Variants in PIGB observed in about 807,000 individuals in gnomAD.
The protein encoded by PIGB is GPI alpha-1,2-mannosyltransferase 3.
A neutral mutation model predicts 68.4 loss-of-function variants in PIGB; 58 were observed. The ratio of observed to expected loss-of-function variants is 0.85; its 90% CI spans 0.69 to 1.06. The LOEUF is 1.06. Ranked by LOEUF, PIGB falls within the 50% of genes least tolerant of loss-of-function variation. The pLI, the probability that PIGB is intolerant of heterozygous loss-of-function variation, is 0.00. For synonymous variants in PIGB, 219 were observed against 220.5 expected, an observed-to-expected ratio of 0.99 and a Z score of 0.06; for missense variants, 634 against 655.8, an observed-to-expected ratio of 0.97 and a Z score of 0.36.
intron 4 of PIGB, 109 bp downstream of exon 4, chr15:55,327,744 A>G (rs778059547): frequency 6.6e-5 from 46 of 701,272 alleles, no homozygotes; most frequent in Non-Finnish European, 9.5e-5. Context: ...AATTCATACA[A>G]CTTTATAGAG....
chr15:55,326,594 C>T (rs1262592567), intron 3 of PIGB, among the ~76,000 whole-genome samples: 4 of 152,154 alleles, frequency 2.6e-5, no homozygotes, highest in Non-Finnish European at 5.9e-5. Flanking sequence ...TGGCCGAGCA[C>T]GGTGGCTTAC....
At chr15:55,353,330 TC>T (rs2055968120) in intron 10 of PIGB, among the ~76,000 whole-genome samples, 1 of 152,210 alleles carries the variant, frequency 6.6e-6, no homozygotes, top group African/African-American at 2.4e-5. Flanking sequence ...GGCAGCTTTT[TC>T]TGAGGAATTT....
intron 10 of PIGB, 158 bp from the exon 11 acceptor site, chr15:55,354,640 T>G (rs2056029761): frequency 3.3e-6 from 2 of 609,614 alleles, no homozygotes; most frequent in Admixed American, 6.9e-5. Flanking sequence ...TTTTTTTATC[T>G]TTGAGAAAAT....
chr15:55,347,591 G>A (rs1242057929), intron 9 of PIGB, among the ~76,000 whole-genome samples: 3 of 152,184 alleles, frequency 2.0e-5, no homozygotes, highest in Non-Finnish European at 4.4e-5. Context: ...CCATAATACT[G>A]TTGAAGACAA....
chr15:55,341,669 T>C (rs1252276402), intron 8 of PIGB, 69 bp from the exon 9 acceptor site: 4 of 532,588 alleles, frequency 7.5e-6, no homozygotes, highest in Non-Finnish European at 1.2e-5. Context: ...ATATTAAATA[T>C]ATTACTTTCT....
chr15:55,350,358 G>T, intron 9 of PIGB: 1 of 260,250 alleles, frequency 3.8e-6, no homozygotes, highest in Non-Finnish European at 7.3e-6. Context: ...TACCAGGGCA[G>T]TCACTGGACA....
At chr15:55,343,957 T>TA (rs1595795851) in intron 9 of PIGB, among the ~76,000 whole-genome samples, 1 of 152,190 alleles carries the variant, frequency 6.6e-6, no homozygotes, top group African/African-American at 2.4e-5. Flanking sequence ...TCTGGACATT[T>TA]AGAACAGTTC....
intron 3 of PIGB, among the ~76,000 whole-genome samples, chr15:55,327,269 A>AT (rs1300825884): frequency 1.3e-5 from 2 of 148,862 alleles, no homozygotes; most frequent in Non-Finnish European, 3.0e-5. Flanking sequence ...ATATGTGTAT[A>AT]TATGTCATAT....
chr15:55,336,752 C>G (rs1317752931), intron 6 of PIGB, among the ~76,000 whole-genome samples: 1 of 152,210 alleles, frequency 6.6e-6, no homozygotes, highest in Non-Finnish European at 1.5e-5. Flanking sequence ...CTTTGGGAGG[C>G]TGAGGCAGGC....
intron 5 of PIGB, among the ~76,000 whole-genome samples, chr15:55,330,762 A>G (rs1221616271): frequency 2.0e-5 from 3 of 152,356 alleles, no homozygotes; most frequent in Non-Finnish European, 2.9e-5. Flanking sequence ...GAGAAAAGCC[A>G]GAATTTGGGA....
intron 10 of PIGB, among the ~76,000 whole-genome samples, chr15:55,351,328 C>G (rs965493557): frequency 2.0e-5 from 3 of 151,626 alleles, no homozygotes; most frequent in African/African-American, 7.3e-5. Context: ...AGGGTAGTCT[C>G]GATCTCCTGA....
chr15:55,320,148 G>A, intron 1 of PIGB, 127 bp from the exon 2 acceptor site: 1 of 724,628 alleles, frequency 1.4e-6, no homozygotes, highest in Non-Finnish European at 2.2e-6. Context: ...CTTTAAGAAT[G>A]GTGTGGAGGG....
intron 10 of PIGB, chr15:55,351,732 C>A (rs926688738): frequency 6.6e-6 from 1 of 151,138 alleles, no homozygotes; most frequent in African/African-American, 2.4e-5. Context: ...ATTAGCCGGG[C>A]GTGGTGGCAG....
rs1220822306 is a variant in PIGB, at chr15:55,350,877, TATA to T, written c.1305_1307del (p.Ile435del). ...CCAATAAATCTTCAGCTTCAATATT[TATA>T]ATGATGCCTTGCCACTCTACTCCTT... On this transcript the variant is annotated inframe_deletion, in exon 10 of 12. Coordinates refer to ENST00000164305, the MANE Select transcript of PIGB (RefSeq NM_004855.5). 6 of 1,602,614 alleles carry T rather than the reference TATA, an allele frequency of 3.7e-6. No individual in the cohort carries two copies. Among genetic ancestry groups the T allele is most frequent in the African/African-American group, 1.3e-5 (1 of 74,652 alleles).
intron 7 of PIGB, 107 bp downstream of exon 7, chr15:55,339,425 A>T: frequency 1.4e-6 from 1 of 690,322 alleles, no homozygotes; most frequent in Non-Finnish European, 2.4e-6. Context: ...ATTACAAAAG[A>T]CTTCTAGGCA....
intron 5 of PIGB, among the ~76,000 whole-genome samples, chr15:55,333,068 G>C (rs1165594285): frequency 6.6e-6 from 1 of 152,004 alleles, no homozygotes; most frequent in Non-Finnish European, 1.5e-5. Context: ...CTTTCTTATA[G>C]CTCCTTAGGA....
At chr15:55,340,952 G>A in intron 8 of PIGB, 129 bp downstream of exon 8, 5 of 606,394 alleles carry the variant, frequency 8.2e-6, no homozygotes. Flanking sequence ...TATCTTAGAA[G>A]ATACAAGTAG....
At chr15:55,321,867 G>T (rs1346130465) in intron 3 of PIGB, among the ~76,000 whole-genome samples, 3 of 147,286 alleles carry the variant, frequency 2.0e-5, no homozygotes, top group Non-Finnish European at 4.5e-5. Flanking sequence ...GGTCAGGCTG[G>T]TCTCGAACTC....
intron 3 of PIGB, among the ~76,000 whole-genome samples, chr15:55,325,899 G>C (rs1053286418): frequency 1.3e-5 from 2 of 151,976 alleles, no homozygotes; most frequent in Admixed American, 1.3e-4. Context: ...TTGGGCGACA[G>C]AGCAAGACTC....
Sources: gnomAD v4.1 joint callset for allele counts (sites outside exome capture counted in the v4.1 genomes callset) on GRCh38, gnomAD v4.1.1 for gene constraint, MANE v1.5 for transcripts, NCBI Gene and HGNC (gene_info 2026-07-23, HGNC 2026-07-21) for gene names.